The following SCAF4 variants were observed in gnomAD, a reference collection of about 807,000 sequenced individuals.
SCAF4 encodes SR-related and CTD-associated factor 4.
Under a neutral mutation model 129.8 loss-of-function variants are expected in SCAF4, and 25 were observed. That is an observed-to-expected ratio of 0.19 (90% confidence interval 0.14 to 0.27). The LOEUF (loss-of-function observed/expected upper bound fraction) is 0.27, where lower values mean the gene tolerates loss of function less well. Ranked by LOEUF, SCAF4 falls within the 10% of genes least tolerant of loss-of-function variation. The pLI is 1.00. For missense variants in SCAF4, 1,246 were observed against 1,457.1 expected (o/e 0.86, Z 2.36); for synonymous variants, 551 against 497.7 (o/e 1.11, Z -1.43).
chr21:31,695,138 C>T lies in SCAF4; in HGVS notation c.1069-158G>A, dbSNP rs569387323. On this transcript the variant is annotated intron_variant, in intron 9 of 19. Transcript: ENST00000286835. ...ACAATTTCCATATGTACAATTTCCA[C>T]GCAAGAATTGTTACATACCAAGTAT... 9.9e-5 allele frequency among the ~76,000 whole-genome samples: 15 copies of T among 152,282 alleles called. No individual in the cohort carries two copies. The East Asian group carries it at 1.2e-3, about 12-fold the overall frequency.
chr21:31,705,511 C>T (rs2050635589), intron 2 of SCAF4, 44 bp from the exon 3 acceptor site: 4 of 853,202 alleles, frequency 4.7e-6, no homozygotes, highest in Non-Finnish European at 7.1e-6. Context: ...TTACTTATTT[C>T]TACATTTCCT....
At position 31,703,774 on chromosome 21, in the gene SCAF4, A is replaced by G; in HGVS notation, c.312T>C (p.Ser104=). 6.6e-7 allele frequency: 1 copy of G among 1,522,612 alleles called. No homozygotes were observed. 94.3% of individuals were successfully genotyped at this position (1,522,612 alleles called of 1,614,324 possible). A position where few individuals can be genotyped will look rare whatever the true frequency, so the allele number is the denominator to read the frequency against. ...ATFQYLYLCP[S]EDKSKIVRVL... is the part of the protein sequence containing the mutation. ...TAAAAATTAATTATACCTTATCTTCAGATGGACAAAGATATAAATATTGGA... is the reference window on the plus strand; with the variant it reads ...TAAAAATTAATTATACCTTATCTTCGGATGGACAAAGATATAAATATTGGA... The change falls in exon 4 of 20, where the codon TCT becomes TCC. Residue 104 remains serine (S), a synonymous_variant. Coordinates refer to ENST00000286835, the MANE Select transcript of SCAF4 (RefSeq NM_020706.2).
intron 19 of SCAF4, among the ~76,000 whole-genome samples, chr21:31,674,658 G>A (rs1287759567): frequency 6.6e-6 from 1 of 152,170 alleles, no homozygotes; most frequent in Non-Finnish European, 1.5e-5. Flanking sequence ...TCCTTATTAG[G>A]AAAGCTGGCA....
At position 31,694,809 on chromosome 21, in the gene SCAF4, T is replaced by G; in HGVS notation, c.1236+4A>C. Reference sequence around the variant, plus strand: ...GATAAAACTATCTGAGAATAAAGTTTTACCTGCTGATGCGGCTTCTGTGTA... The same window carrying G: ...GATAAAACTATCTGAGAATAAAGTTGTACCTGCTGATGCGGCTTCTGTGTA... On this transcript the variant is annotated splice_donor_region_variant and intron_variant, in intron 10 of 19. Transcript: ENST00000286835. 4.3e-6 allele frequency: 7 copies of G among 1,613,934 alleles called. No homozygotes were observed. Among genetic ancestry groups the G allele is most frequent in the Non-Finnish European group, 5.9e-6 (7 of 1,179,830 alleles).
At chr21:31,677,716 C>T (rs566601958) in intron 19 of SCAF4, among the ~76,000 whole-genome samples, 3 of 152,286 alleles carry the variant, frequency 2.0e-5, no homozygotes, top group African/African-American at 4.8e-5. Context: ...TCCTAGCCCA[C>T]GGGCTGTACC....
In SCAF4 at chr21:31,731,719, G is replaced by T; in HGVS notation, c.-27C>A. On this transcript the variant is annotated 5_prime_UTR_variant, in exon 1 of 20. Coordinates refer to ENST00000286835, the MANE Select transcript of SCAF4 (RefSeq NM_020706.2). Reference sequence around the variant, plus strand: ...TTCGCGCTGCGGCGGCGGCTGCTCCGGGCCCGCCGGTCACATAGACCTCGC... The same window carrying T: ...TTCGCGCTGCGGCGGCGGCTGCTCCTGGCCCGCCGGTCACATAGACCTCGC... 6 of 1,573,528 alleles carry T rather than the reference G, an allele frequency of 3.8e-6. No individual in the cohort carries two copies. The highest frequency in any genetic ancestry group is 5.1e-6 in the Non-Finnish European group (6 of 1,166,916).
At chr21:31,688,157 A>T (rs2050173789) in intron 16 of SCAF4, 150 bp downstream of exon 16, 1 of 451,760 alleles carries the variant, frequency 2.2e-6, no homozygotes, top group Non-Finnish European at 3.5e-6. Context: ...TGAAGAATAT[A>T]AAATTTAAAT....
intron 19 of SCAF4, among the ~76,000 whole-genome samples, chr21:31,672,704 T>C (rs367892452): frequency 1.3e-5 from 2 of 152,178 alleles, no homozygotes; most frequent in South Asian, 4.1e-4. Context: ...TAAGTCCTAA[T>C]GAGATAAATA....
At chr21:31,688,251 T>A (rs1182823398) in intron 16 of SCAF4, 56 bp downstream of exon 16, 1 of 1,567,404 alleles carries the variant, frequency 6.4e-7, no homozygotes, top group African/African-American at 1.4e-5. Flanking sequence ...TACAGTAAGA[T>A]TTAGAAAGGG....
At position 31,685,039 on chromosome 21, in the gene SCAF4, A is replaced by T; in HGVS notation, c.2488+10T>A. On this transcript the variant is annotated intron_variant, in intron 19 of 19. Coordinates refer to ENST00000286835, the MANE Select transcript of SCAF4 (RefSeq NM_020706.2). ...GCAAGGAAAACTAATGATAAAAAAA[A>T]ATAACTTACCAAGAAGTGAAACAGG... The T allele has an allele frequency of 5.7e-6, 9 of 1,571,094 alleles. No individual in the cohort carries two copies. Among genetic ancestry groups the T allele is most frequent in the East Asian group, 2.2e-5 (1 of 44,592 alleles).
chr21:31,690,705 C>T, intron 15 of SCAF4, 92 bp downstream of exon 15: 2 of 1,174,278 alleles, frequency 1.7e-6, no homozygotes, highest in South Asian at 3.4e-5. Context: ...TCTCAAAAAT[C>T]ACGTCCTAAT....
intron 1 of SCAF4, among the ~76,000 whole-genome samples, chr21:31,730,484 G>T (rs1250088595): frequency 6.6e-6 from 1 of 152,108 alleles, no homozygotes; most frequent in Admixed American, 6.5e-5. Flanking sequence ...CATATATTAT[G>T]GCACTGCAAA....
At chr21:31,702,037 T>C (rs2050545584) in intron 5 of SCAF4, 119 bp from the exon 6 acceptor site, 1 of 1,324,904 alleles carries the variant, frequency 7.5e-7, no homozygotes. Flanking sequence ...ATATAGAGAT[T>C]GTGGCACTAG....
At position 31,705,482 on chromosome 21, in the gene SCAF4, G is replaced by A; in HGVS notation, c.115-15C>T. 2 of 1,229,776 alleles carry A rather than the reference G, an allele frequency of 1.6e-6. No individual in the cohort carries two copies. The highest frequency in any genetic ancestry group is 2.6e-5 in the Admixed American group (1 of 39,160). 76.2% of individuals were successfully genotyped at this position (1,229,776 alleles called of 1,614,324 possible). ...TGCTTATAAAGCTGAAAAGAATTAAGAGAAAATTACTGTTCAGTTTACTTA... is the reference window on the plus strand; with the variant it reads ...TGCTTATAAAGCTGAAAAGAATTAAAAGAAAATTACTGTTCAGTTTACTTA... On this transcript the variant is annotated splice_polypyrimidine_tract_variant and intron_variant, in intron 2 of 19. Coordinates refer to ENST00000286835, the MANE Select transcript of SCAF4 (RefSeq NM_020706.2).
chr21:31,717,192 C>T (rs2050939847), intron 1 of SCAF4, among the ~76,000 whole-genome samples: 1 of 152,172 alleles, frequency 6.6e-6, no homozygotes, highest in Non-Finnish European at 1.5e-5. Flanking sequence ...AAAACAAGAA[C>T]TAAAAAATGT....
chr21:31,711,136 T>A (rs2050790378), intron 1 of SCAF4, among the ~76,000 whole-genome samples: 1 of 152,236 alleles, frequency 6.6e-6, no homozygotes, highest in Admixed American at 6.5e-5. Flanking sequence ...ACTTTTATTC[T>A]CCTTTACCAA....
chr21:31,693,172 T>C (rs1361392199), intron 12 of SCAF4, 122 bp downstream of exon 12: 7 of 706,894 alleles, frequency 9.9e-6, no homozygotes, highest in Non-Finnish European at 1.5e-5. Flanking sequence ...AAAGCAATAT[T>C]TCAAATAAAA....
chr21:31,705,700 A>G (rs2050641983), intron 2 of SCAF4, among the ~76,000 whole-genome samples: 1 of 152,212 alleles, frequency 6.6e-6, no homozygotes, highest in Non-Finnish European at 1.5e-5. Flanking sequence ...TAAATTTTAA[A>G]TCAATAAACC....
intron 7 of SCAF4, among the ~76,000 whole-genome samples, chr21:31,699,559 C>T (rs1308266436): frequency 1.3e-5 from 2 of 150,266 alleles, no homozygotes; most frequent in Admixed American, 1.3e-4. Context: ...ATGTATCCAA[C>T]TTTTGTTTAA....
Sources: gnomAD v4.1 joint callset for allele counts (sites outside exome capture counted in the v4.1 genomes callset) on GRCh38, gnomAD v4.1.1 for gene constraint, MANE v1.5 for transcripts, NCBI Gene and HGNC (gene_info 2026-07-23, HGNC 2026-07-21) for gene names.